MARCHF6: variants seen among roughly 807,000 people sequenced by gnomAD.
MARCHF6 encodes E3 ubiquitin-protein ligase MARCHF6.
Under a neutral mutation model 133.7 loss-of-function variants are expected in MARCHF6, and 31 were observed. The observed-to-expected ratio is 0.23, with a 90% CI of 0.17 to 0.31. MARCHF6 has a LOEUF of 0.31. Ranked by LOEUF, MARCHF6 falls within the 10% of genes least tolerant of loss-of-function variation. MARCHF6 has a pLI of 1.00. For synonymous variants in MARCHF6, 395 were observed against 402.5 expected, an observed-to-expected ratio of 0.98 and a Z score of 0.22; for missense variants, 723 against 1,121.6, an observed-to-expected ratio of 0.64 and a Z score of 5.08.
chr5:10,426,377 T>C lies in MARCHF6; in HGVS notation c.2374-13T>C. 3 of 1,612,204 alleles carry C rather than the reference T, an allele frequency of 1.9e-6. No homozygotes were observed. Among genetic ancestry groups the C allele is most frequent in the South Asian group, 1.1e-5 (1 of 90,698 alleles). On this transcript the variant is annotated splice_polypyrimidine_tract_variant and intron_variant, in intron 23 of 25. Coordinates refer to ENST00000274140, the MANE Select transcript of MARCHF6 (RefSeq NM_005885.4). Reference sequence around the variant, plus strand: ...TTGTATCTTTGTTCTAATTGCTTTTTGTAATGTTTCAGGTTTACGCAAATG... The same window carrying C: ...TTGTATCTTTGTTCTAATTGCTTTTCGTAATGTTTCAGGTTTACGCAAATG...
At chr5:10,423,934 T>A (rs1237022476) in intron 23 of MARCHF6, 110 bp downstream of exon 23, 2 of 680,038 alleles carry the variant, frequency 2.9e-6, no homozygotes, top group African/African-American at 1.9e-5. Flanking sequence ...TTTCTACATT[T>A]TTTTTGATGG....
chr5:10,395,224 A>G (rs758053937), intron 9 of MARCHF6, among the ~76,000 whole-genome samples: 5 of 152,224 alleles, frequency 3.3e-5, no homozygotes, highest in Non-Finnish European at 1.5e-5. Context: ...TGAAGATTGT[A>G]TGTTTAGTGT....
At chr5:10,417,526 G>A in intron 22 of MARCHF6, 122 bp downstream of exon 22, 1 of 1,283,278 alleles carries the variant, frequency 7.8e-7, no homozygotes, top group South Asian at 1.3e-5. Context: ...TGGGAGGACT[G>A]CTTGCACCCA....
intron 15 of MARCHF6, among the ~76,000 whole-genome samples, chr5:10,404,075 A>AC (rs1217197289): frequency 7.6e-4 from 114 of 149,070 alleles, no homozygotes; most frequent in South Asian, 2.6e-3. Flanking sequence ...TTATTTATTT[A>AC]TTTACTTATT....
chr5:10,383,518 C>T (rs1396559992), intron 4 of MARCHF6, among the ~76,000 whole-genome samples: 1 of 152,134 alleles, frequency 6.6e-6, no homozygotes, highest in Non-Finnish European at 1.5e-5. Context: ...TGGCATCAGA[C>T]TTAAAATTAG....
rs1430074420 is a variant in MARCHF6 at position 10,438,338 on chromosome 5, G to A, written c.*4654G>A. On this transcript the variant is annotated 3_prime_UTR_variant, in exon 26 of 26. Transcript: ENST00000274140. ...ATTTCTAATTTTTCTTTGTTTATAG[G>A]TTCAGAATTTTTTCCATGATTGTTT... 6.6e-6 allele frequency: 1 copy of A among 152,072 alleles called. No individual in the cohort carries two copies. The highest frequency in any genetic ancestry group is 1.9e-4 in the East Asian group (1 of 5,198). The allele number at this position is 152,072 out of a possible 1,614,324, so 9.4% of individuals were successfully genotyped here. A position where few individuals can be genotyped will look rare whatever the true frequency, so the allele number is the denominator to read the frequency against.
At chr5:10,402,493 T>C in intron 13 of MARCHF6, 40 bp from the exon 14 acceptor site, 3 of 1,612,020 alleles carry the variant, frequency 1.9e-6, no homozygotes, top group Non-Finnish European at 2.5e-6. Context: ...TGATTTCTCC[T>C]ACATTTGGGT....
At chr5:10,407,030 T>C in intron 16 of MARCHF6, 72 bp from the exon 17 acceptor site, 1 of 822,738 alleles carries the variant, frequency 1.2e-6, no homozygotes, top group Non-Finnish European at 2.0e-6. Context: ...TTGAGTGTGC[T>C]CAGAAGTCTG....
intron 23 of MARCHF6, among the ~76,000 whole-genome samples, chr5:10,425,070 C>G (rs2567581): frequency 6.6e-6 from 1 of 152,072 alleles, no homozygotes; most frequent in Non-Finnish European, 1.5e-5. Flanking sequence ...CATAACAGTT[C>G]TGCAGCAGTA....
chr5:10,404,827 T>A (rs1224931623), intron 15 of MARCHF6, among the ~76,000 whole-genome samples: 1 of 152,220 alleles, frequency 6.6e-6, no homozygotes, highest in Non-Finnish European at 1.5e-5. Flanking sequence ...TTTCATTCTT[T>A]CTTTGAAACA....
chr5:10,395,088 C>T (rs989059333), intron 9 of MARCHF6, among the ~76,000 whole-genome samples: 3 of 152,154 alleles, frequency 2.0e-5, no homozygotes, highest in East Asian at 1.9e-4. Flanking sequence ...CGTGAGCCAC[C>T]GCGCCCGGCC....
intron 1 of MARCHF6, among the ~76,000 whole-genome samples, chr5:10,373,153 T>C (rs1466494135): frequency 6.6e-6 from 1 of 152,124 alleles, no homozygotes; most frequent in Non-Finnish European, 1.5e-5. Context: ...AGTGAGAAAC[T>C]TGGGATCCCA....
At position 10,391,657 on chromosome 5, in the gene MARCHF6, A is replaced by G; in HGVS notation, c.692A>G (p.Glu231Gly). ...GATGCCCAGGATGACCAGGCAGAAGAGGAGGAGGAGGACAATGAGGAGGAA... is the reference window on the plus strand; with the variant it reads ...GATGCCCAGGATGACCAGGCAGAAGGGGAGGAGGAGGACAATGAGGAGGAA... ...NPDAQDDQAE[E>G]EEEDNEEEDD... Residue 231 changes from glutamate to glycine, a missense_variant, in exon 7 of 26, where the codon GAG becomes GGG. Coordinates refer to ENST00000274140, the MANE Select transcript of MARCHF6 (RefSeq NM_005885.4). 1 of 1,601,996 alleles carries G rather than the reference A, an allele frequency of 6.2e-7. No homozygotes were observed. Among genetic ancestry groups the G allele is most frequent in the Non-Finnish European group, 8.5e-7 (1 of 1,173,862 alleles).
rs1450405230 is a variant in MARCHF6, at chr5:10,436,483, T to C, written c.*2799T>C. The C allele has an allele frequency of 1.3e-5, 2 of 152,182 alleles. No individual in the cohort carries two copies. Among genetic ancestry groups the C allele is most frequent in the African/African-American group, 4.8e-5 (2 of 41,450 alleles). 9.4% of individuals were successfully genotyped at this position (152,182 alleles called of 1,614,324 possible). ...TGCTGCCCTTCTTCACATAAATTTT[T>C]TTTTAAATTATACTATTATTTTGCT... On this transcript the variant is annotated 3_prime_UTR_variant, in exon 26 of 26. Transcript: ENST00000274140.
intron 22 of MARCHF6, among the ~76,000 whole-genome samples, chr5:10,417,843 T>C (rs974153911): frequency 3.3e-5 from 5 of 152,066 alleles, no homozygotes; most frequent in Non-Finnish European, 7.4e-5. Context: ...TATAAAATTG[T>C]TTAATGCTCT....
Position 10,417,350 on chromosome 5 carries a change from T to C in MARCHF6, c.2229T>C (p.Ile743=). The C allele has an allele frequency of 1.2e-6, 2 of 1,614,174 alleles. No homozygotes were observed. Among genetic ancestry groups the C allele is most frequent in the East Asian group, 4.5e-5 (2 of 44,892 alleles). ...LLLGLLFELV[I]VAPLRVPLDQ... ...TGGGGCTCCTGTTTGAGCTGGTCAT[T>C]GTGGCTCCCCTGAGGGTTCCCTTGG... Residue 743 remains isoleucine, a synonymous_variant, in exon 22 of 26, where the codon ATT becomes ATC. Transcript: ENST00000274140.
chr5:10,391,777 T>C (rs774802035), intron 7 of MARCHF6, 46 bp downstream of exon 7: 1 of 1,412,376 alleles, frequency 7.1e-7, no homozygotes, highest in Admixed American at 2.7e-5. Context: ...TGCAAATCTG[T>C]TCTCAACTTG....
intron 1 of MARCHF6, among the ~76,000 whole-genome samples, chr5:10,364,399 G>C (rs1360485458): frequency 6.6e-6 from 1 of 152,168 alleles, no homozygotes; most frequent in Non-Finnish European, 1.5e-5. Context: ...CAGCAGGGCT[G>C]TATGAAGGTG....
intron 4 of MARCHF6, among the ~76,000 whole-genome samples, chr5:10,386,002 A>G (rs1240634253): frequency 6.6e-6 from 1 of 151,588 alleles, no homozygotes; most frequent in Non-Finnish European, 1.5e-5. Flanking sequence ...TGGTCTTTCC[A>G]TGTACGTGAG....
Sources: allele counts gnomAD v4.1 joint callset (sites outside exome capture counted in the v4.1 genomes callset), GRCh38; gene constraint gnomAD v4.1.1; transcripts MANE v1.5; gene names NCBI Gene and HGNC (gene_info 2026-07-23, HGNC 2026-07-21).